TYR: variants seen among roughly 807,000 people sequenced by gnomAD.
TYR encodes the protein LB24-AB.
A neutral mutation model predicts 51.5 loss-of-function variants in TYR; 58 were observed. That is an observed-to-expected ratio of 1.13 (90% CI 0.91 to 1.40). The LOEUF (loss-of-function observed/expected upper bound fraction) is 1.40, where lower values mean the gene tolerates loss of function less well. Ranked by LOEUF, TYR falls within the 40% of genes most tolerant of loss-of-function variation. The pLI is 0.00. For synonymous variants in TYR, 263 were observed against 235.2 expected (o/e 1.12, Z -1.08); for missense variants, 732 against 647.4 (o/e 1.13, Z -1.42).
chr11:89,277,322 A>C lies in TYR; in HGVS notation c.1185-7451A>C, dbSNP rs377326312. ...GCAATTCAATAAATTTTGAGTGACT[A>C]GAAATTCGTGTGGCTGGAGGCATCG... On this transcript the variant is annotated intron_variant, in intron 3 of 4. Transcript: ENST00000263321. 3.0e-4 allele frequency among the ~76,000 whole-genome samples: 45 copies of C among 151,928 alleles called. No individual in the cohort carries two copies. The East Asian group carries it at 7.6e-3, about 26-fold the overall frequency.
chr11:89,179,420 T>G (rs575948613), intron 1 of TYR, among the ~76,000 whole-genome samples: 1 of 152,218 alleles, frequency 6.6e-6, no homozygotes, highest in Non-Finnish European at 1.5e-5. Context: ...TCATTGAACA[T>G]CTAGCATGTG....
intron 3 of TYR, among the ~76,000 whole-genome samples, chr11:89,237,938 C>T (rs144586480): frequency 0.011 from 1,669 of 152,092 alleles, 29 homozygotes; most frequent in African/African-American, 0.038. Context: ...CAGGTTCAAG[C>T]GAGTCTTGTG....
At chr11:89,274,880 A>G (rs547771503) in intron 3 of TYR, among the ~76,000 whole-genome samples, 1 of 151,790 alleles carries the variant, frequency 6.6e-6, no homozygotes, top group East Asian at 2.0e-4. Context: ...CCTGTTGTCA[A>G]TGTGAGCTGT....
intron 3 of TYR, among the ~76,000 whole-genome samples, chr11:89,268,307 T>C (rs889674114): frequency 4.9e-4 from 75 of 152,008 alleles, no homozygotes; most frequent in African/African-American, 1.5e-3. Context: ...AAATATGATA[T>C]ATATATATAT....
intron 2 of TYR, among the ~76,000 whole-genome samples, chr11:89,213,840 G>C (rs936809744): frequency 2.0e-5 from 3 of 152,150 alleles, no homozygotes; most frequent in African/African-American, 7.2e-5. Flanking sequence ...AAGTAATGGA[G>C]AAAGGATTCC....
intron 2 of TYR, chr11:89,191,947 A>G: frequency 2.5e-6 from 1 of 398,232 alleles, no homozygotes; most frequent in South Asian, 1.8e-5. Context: ...TTCAGATATA[A>G]GTCTGTGGAC....
intron 2 of TYR, among the ~76,000 whole-genome samples, chr11:89,195,343 A>G (rs149868295): frequency 1.4e-3 from 210 of 152,216 alleles, no homozygotes; most frequent in African/African-American, 4.3e-3. Context: ...CTTAGATTTC[A>G]TTGCTGAAAT....
intron 3 of TYR, among the ~76,000 whole-genome samples, chr11:89,270,519 G>A (rs895302848): frequency 2.0e-5 from 3 of 151,792 alleles, no homozygotes; most frequent in African/African-American, 7.3e-5. Flanking sequence ...TCGGTGCAAT[G>A]CTTATTACAT....
rs1055516468 is a variant in TYR at position 89,183,814 on chromosome 11, A to G, written c.819+5042A>G. On this transcript the variant is annotated intron_variant, in intron 1 of 4. Transcript: ENST00000263321. ...GTGTTATACACCCAAAGTTAAAAAC[A>G]ATTTGGTGACCTGCCCAATGGTCTT... Among the ~76,000 whole-genome samples, 18 of 152,266 alleles carry G rather than the reference A, an allele frequency of 1.2e-4. No individual in the cohort carries two copies. The South Asian group carries it at 2.9e-3, about 25-fold the overall frequency.
intron 2 of TYR, among the ~76,000 whole-genome samples, chr11:89,213,981 T>TA: frequency 6.6e-6 from 1 of 152,216 alleles, no homozygotes; most frequent in South Asian, 2.1e-4. Flanking sequence ...CCTAAAACCA[T>TA]AAAAACCCTG....
chr11:89,267,812 ATG>A (rs201184833), intron 3 of TYR, among the ~76,000 whole-genome samples: 66 of 150,262 alleles, frequency 4.4e-4, no homozygotes, highest in African/African-American at 1.0e-3. Flanking sequence ...TACTGAGTGT[ATG>A]TGTGTGTGTG....
At chr11:89,268,704 A>G (rs1944553675) in intron 3 of TYR, among the ~76,000 whole-genome samples, 1 of 151,878 alleles carries the variant, frequency 6.6e-6, no homozygotes, top group South Asian at 2.1e-4. Flanking sequence ...ACTTAGATTC[A>G]ATTTAACCCT....
At chr11:89,244,616 T>G (rs534877706) in intron 3 of TYR, among the ~76,000 whole-genome samples, 1 of 152,254 alleles carries the variant, frequency 6.6e-6, no homozygotes, top group South Asian at 2.1e-4. Context: ...AAGAGGAAAG[T>G]AAAAGGTTGG....
At chr11:89,205,149 G>A (rs1943656096) in intron 2 of TYR, among the ~76,000 whole-genome samples, 1 of 151,990 alleles carries the variant, frequency 6.6e-6, no homozygotes, top group Non-Finnish European at 1.5e-5. Flanking sequence ...TTCAACAGCA[G>A]AATGGAGAGG....
intron 3 of TYR, among the ~76,000 whole-genome samples, chr11:89,261,089 C>A (rs1298723916): frequency 6.6e-6 from 1 of 152,052 alleles, no homozygotes; most frequent in Non-Finnish European, 1.5e-5. Flanking sequence ...CAGCCCCTGG[C>A]ACCAAAAAGG....
At chr11:89,276,127 A>G (rs1944651242) in intron 3 of TYR, among the ~76,000 whole-genome samples, 1 of 151,892 alleles carries the variant, frequency 6.6e-6, no homozygotes, top group Non-Finnish European at 1.5e-5. Context: ...GCTGGTTGGC[A>G]GCATTGATAT....
intron 2 of TYR, among the ~76,000 whole-genome samples, chr11:89,199,222 T>C (rs12420864): frequency 0.21 from 31,724 of 152,102 alleles, 4,978 homozygotes; most frequent in African/African-American, 0.44. Context: ...AATAAACATA[T>C]GTGTGCGTCT....
chr11:89,180,569 T>C (rs116797466), intron 1 of TYR, among the ~76,000 whole-genome samples: 4 of 150,488 alleles, frequency 2.7e-5, no homozygotes, highest in African/African-American at 9.7e-5. Context: ...AAAAAAAGTG[T>C]GTCAAGTCAG....
chr11:89,284,228 C>A (rs1256574672), intron 3 of TYR, among the ~76,000 whole-genome samples: 1 of 151,614 alleles, frequency 6.6e-6, no homozygotes, highest in South Asian at 2.1e-4. Flanking sequence ...TAGAAAAAGC[C>A]GAGAAACAAA....
Sources: gnomAD v4.1 joint callset for allele counts (sites outside exome capture counted in the v4.1 genomes callset) on GRCh38, gnomAD v4.1.1 for gene constraint, MANE v1.5 for transcripts, NCBI Gene and HGNC (gene_info 2026-07-23, HGNC 2026-07-21) for gene names.